KLF12: variants seen among roughly 807,000 people sequenced by gnomAD.
The protein encoded by KLF12 is KLF transcription factor 12.
KLF12 carries 9 observed loss-of-function variants against 37.8 expected under a neutral mutation model. The ratio of observed to expected loss-of-function variants is 0.24; its 90% CI spans 0.14 to 0.42. The LOEUF is 0.42. KLF12 is among the 10% of genes least tolerant of loss of function. The pLI, the probability that KLF12 is intolerant of heterozygous loss-of-function variation, is 1.00. For missense variants in KLF12, 411 were observed against 516.0 expected (o/e 0.80, Z 1.97); for synonymous variants, 208 against 202.1 (o/e 1.03, Z -0.25).
intron 3 of KLF12, among the ~76,000 whole-genome samples, chr13:73,922,923 C>T (rs1363540596): frequency 6.6e-6 from 1 of 152,116 alleles, no homozygotes; most frequent in East Asian, 1.9e-4. Context: ...TTATGTGGTA[C>T]TCAGCCAGGC....
intron 1 of KLF12, among the ~76,000 whole-genome samples, chr13:74,014,104 T>C (rs1451941586): frequency 6.6e-6 from 1 of 152,146 alleles, no homozygotes; most frequent in Non-Finnish European, 1.5e-5. Flanking sequence ...TCTGAAAAAA[T>C]AACATTTTAA....
intron 3 of KLF12, among the ~76,000 whole-genome samples, chr13:73,894,876 T>G (rs1887687439): frequency 6.6e-6 from 1 of 152,246 alleles, no homozygotes; most frequent in Non-Finnish European, 1.5e-5. Flanking sequence ...TGTTGAATTT[T>G]GTCAAATGTC....
chr13:73,728,093 T>C (rs1876798018), intron 6 of KLF12, among the ~76,000 whole-genome samples: 1 of 152,232 alleles, frequency 6.6e-6, no homozygotes, highest in Non-Finnish European at 1.5e-5. Flanking sequence ...TTTCAAACCA[T>C]GAATATAGGA....
At chr13:73,821,328 T>A (rs931536987) in intron 4 of KLF12, among the ~76,000 whole-genome samples, 1 of 152,190 alleles carries the variant, frequency 6.6e-6, no homozygotes. Context: ...TTCTCAGCTC[T>A]GACCTCTCCC....
intron 1 of KLF12, among the ~76,000 whole-genome samples, chr13:74,111,713 C>T (rs975291747): frequency 3.1e-5 from 3 of 97,278 alleles, no homozygotes; most frequent in African/African-American, 7.4e-5. Context: ...AACATTTGTG[C>T]CAATGGGGAA....
chr13:74,141,964 T>C, the KLF12 span, among the ~76,000 whole-genome samples: 1 of 152,162 alleles, frequency 6.6e-6, no homozygotes, highest in African/African-American at 2.4e-5. Context: ...GAATTCTTGC[T>C]GGCAAACAGA....
intron 2 of KLF12, among the ~76,000 whole-genome samples, chr13:73,989,814 A>G (rs983709052): frequency 3.3e-5 from 5 of 152,190 alleles, no homozygotes; most frequent in African/African-American, 9.6e-5. Flanking sequence ...CAAGAGGCCA[A>G]TGAAGAACAA....
chr13:73,835,884 G>T (rs549296385), intron 4 of KLF12, among the ~76,000 whole-genome samples: 5 of 152,066 alleles, frequency 3.3e-5, no homozygotes, highest in Non-Finnish European at 5.9e-5. Context: ...AACCAGAAAT[G>T]ACCCCCAGTG....
chr13:73,931,792 A>C (rs1451645993), intron 3 of KLF12, among the ~76,000 whole-genome samples: 2 of 147,948 alleles, frequency 1.4e-5, no homozygotes, highest in African/African-American at 2.5e-5. Context: ...TTTATAGAAA[A>C]TGCTTCACCT....
chr13:74,230,079 A>G, the KLF12 span, among the ~76,000 whole-genome samples: 70 of 152,080 alleles, frequency 4.6e-4, no homozygotes, highest in Non-Finnish European at 9.0e-4. Flanking sequence ...CCCCACCCAA[A>G]TCTCATCTTA....
At chr13:74,216,574 T>G in the KLF12 span, among the ~76,000 whole-genome samples, 3 of 152,180 alleles carry the variant, frequency 2.0e-5, no homozygotes, top group African/African-American at 7.2e-5. Context: ...CAATTCTTCA[T>G]TTATTCTCGA....
chr13:74,050,589 A>G lies in KLF12; in HGVS notation c.-31-55536T>C, dbSNP rs1378008899. ...AACGCATTGAGAGGAGAATCAGACA[A>G]TTCTGGGTTTGAAGCAGGGATAACA... is the stretch of plus-strand genomic sequence containing the variant. On this transcript the variant is annotated intron_variant, in intron 1 of 7. Coordinates refer to ENST00000377669, the MANE Select transcript of KLF12 (RefSeq NM_007249.5). Among the ~76,000 whole-genome samples the G allele has an allele frequency of 2.0e-5, 3 of 152,178 alleles. No homozygotes were observed. In the East Asian group the frequency reaches 5.8e-4, roughly 29 times the overall value.
At chr13:74,036,206 C>G (rs1464424009) in intron 1 of KLF12, among the ~76,000 whole-genome samples, 1 of 152,210 alleles carries the variant, frequency 6.6e-6, no homozygotes, top group African/African-American at 2.4e-5. Flanking sequence ...CCTCTCCATA[C>G]TTAAATATTC....
At chr13:74,266,745 T>C in the KLF12 span, among the ~76,000 whole-genome samples, 1 of 152,222 alleles carries the variant, frequency 6.6e-6, no homozygotes, top group Non-Finnish European at 1.5e-5. Flanking sequence ...GGTGGACTTA[T>C]GGTAAATGAT....
chr13:74,219,366 T>C, the KLF12 span, among the ~76,000 whole-genome samples: 2 of 152,352 alleles, frequency 1.3e-5, no homozygotes, highest in South Asian at 4.1e-4. Flanking sequence ...TATATTTCCA[T>C]GTGAGTATAA....
At chr13:73,766,829 A>G (rs1879947540) in intron 5 of KLF12, among the ~76,000 whole-genome samples, 1 of 152,182 alleles carries the variant, frequency 6.6e-6, no homozygotes, top group Admixed American at 6.6e-5. Flanking sequence ...AGTGAAGAAA[A>G]AGAGAGTCTG....
chr13:74,135,070 G>A (rs1878494360), upstream of KLF12, among the ~76,000 whole-genome samples: 1 of 151,344 alleles, frequency 6.6e-6, no homozygotes, highest in Admixed American at 6.6e-5. Context: ...TGGGGCGGGC[G>A]GAGGGCCGGG....
intron 1 of KLF12, among the ~76,000 whole-genome samples, chr13:74,067,947 T>C (rs1874011857): frequency 6.6e-6 from 1 of 152,198 alleles, no homozygotes; most frequent in Non-Finnish European, 1.5e-5. Flanking sequence ...TATGGTAGAA[T>C]CCTTTTAACC....
chr13:74,283,382 G>A, the KLF12 span, among the ~76,000 whole-genome samples: 1 of 152,154 alleles, frequency 6.6e-6, no homozygotes, highest in Non-Finnish European at 1.5e-5. Flanking sequence ...TACATGCTGA[G>A]CCATAATTTG....
Sources: allele counts gnomAD v4.1 joint callset (sites outside exome capture counted in the v4.1 genomes callset), GRCh38; gene constraint gnomAD v4.1.1; transcripts MANE v1.5; gene names NCBI Gene and HGNC (gene_info 2026-07-23, HGNC 2026-07-21).